ACTN1: variants seen among roughly 807,000 people sequenced by gnomAD.
The protein encoded by ACTN1 is actinin alpha 1, also known as alpha-actinin-1.
Under a neutral mutation model 119.6 loss-of-function variants are expected in ACTN1, and 30 were observed. That is an observed-to-expected ratio of 0.25 (90% CI 0.19 to 0.34). ACTN1 has a LOEUF of 0.34. Ranked by LOEUF, ACTN1 falls within the 10% of genes least tolerant of loss-of-function variation. The pLI is 1.00. For missense variants in ACTN1, 764 were observed against 1,223.4 expected, an observed-to-expected ratio of 0.62 and a Z score of 5.60; for synonymous variants, 429 against 472.6, an observed-to-expected ratio of 0.91 and a Z score of 1.20.
At position 68,879,162 on chromosome 14, in the gene ACTN1, G is replaced by T. The variant is rs529401816; in HGVS notation, c.2281-93C>A. ...GCCCCGGGGGAGGGTGGCGTGTGTG[G>T]GGAGACACAGGGACAGGCATGCGGA... is the stretch of plus-strand genomic sequence containing the variant. On this transcript the variant is annotated intron_variant, in intron 18 of 21. Transcript: ENST00000394419. The surrounding 1 kb of genome is among the most constrained non-coding windows in gnomAD (Gnocchi z 4.9). 27 of 662,920 alleles carry T rather than the reference G, an allele frequency of 4.1e-5. No homozygotes were observed. In the African/African-American group the frequency reaches 5.1e-4, roughly 13 times the overall value. 41.1% of individuals were successfully genotyped at this position (662,920 alleles called of 1,614,324 possible). A position where few individuals can be genotyped will look rare whatever the true frequency, so the allele number is the denominator to read the frequency against.
intron 3 of ACTN1, among the ~76,000 whole-genome samples, chr14:68,916,814 C>T (rs757135410): frequency 2.2e-4 from 34 of 152,194 alleles, no homozygotes; most frequent in Non-Finnish European, 3.4e-4. Context: ...CTGCTCACAT[C>T]CCCTGTTTAC....
At chr14:68,919,264 G>C (rs1454221581) in intron 3 of ACTN1, among the ~76,000 whole-genome samples, 2 of 152,250 alleles carry the variant, frequency 1.3e-5, no homozygotes, top group Middle Eastern at 3.4e-3. Context: ...ATCCCGCTTA[G>C]GACATGACTC....
chr14:68,923,477 G>A (rs1337306501), intron 2 of ACTN1, among the ~76,000 whole-genome samples: 1 of 152,018 alleles, frequency 6.6e-6, no homozygotes, highest in East Asian at 1.9e-4. Context: ...TAAAACTGGG[G>A]AAGGGTAGTG....
chr14:68,965,345 A>C (rs2036670158), intron 1 of ACTN1, among the ~76,000 whole-genome samples: 1 of 152,244 alleles, frequency 6.6e-6, no homozygotes, highest in Admixed American at 6.5e-5. Context: ...CAAGTGAAAG[A>C]CAAGGCCACC....
At position 68,881,936 on chromosome 14, in the gene ACTN1, C is replaced by CTTTTTTTTTTTT. The variant is rs781067137; in HGVS notation, c.1953+510_1953+521dup. On this transcript the variant is annotated intron_variant, in intron 16 of 21. Coordinates refer to ENST00000394419, the MANE Select transcript of ACTN1 (RefSeq NM_001130004.2). Reference sequence around the variant, plus strand: ...AGTATGGGACTTTCATAGGCAGCTTCTTTTTTTTTTTTTTTTTTTGACAGA... The same window carrying CTTTTTTTTTTTT: ...AGTATGGGACTTTCATAGGCAGCTTCTTTTTTTTTTTTTTTTTTTTTTTTTTTTTTTGACAGA... Among the ~76,000 whole-genome samples, 51 of 58,388 alleles carry CTTTTTTTTTTTT rather than the reference C, an allele frequency of 8.7e-4. 2 individuals are homozygous for CTTTTTTTTTTTT. Among genetic ancestry groups the CTTTTTTTTTTTT allele is most frequent in the African/African-American group, 2.8e-3 (27 of 9,518 alleles). The allele number at this position is 58,388 out of a possible 152,430, so 38.3% of individuals were successfully genotyped here.
intron 1 of ACTN1, among the ~76,000 whole-genome samples, chr14:68,940,594 T>G (rs904074744): frequency 1.3e-5 from 2 of 151,722 alleles, no homozygotes; most frequent in Non-Finnish European, 2.9e-5. Flanking sequence ...ATCCCAGCAC[T>G]TTGGGAGGCT....
chr14:68,878,282 C>T lies in ACTN1; in HGVS notation c.2427+176G>A, dbSNP rs796665697. The stretch of plus-strand genomic sequence containing the variant: ...CAGGCCTCCCGGATACACACACGCC[C>T]GTGGCCGGGCCGGCTTTCAGGGAGC... On this transcript the variant is annotated intron_variant, in intron 20 of 21. Coordinates refer to ENST00000394419, the MANE Select transcript of ACTN1 (RefSeq NM_001130004.2). This position sits in a 1 kb window ranked among gnomAD's most constrained non-coding sequence, Gnocchi z 4.4. 43 of 888,678 alleles carry T rather than the reference C, an allele frequency of 4.8e-5. No individual in the cohort carries two copies. Among genetic ancestry groups the T allele is most frequent in the African/African-American group, 2.9e-4 (17 of 59,350 alleles). The allele number at this position is 888,678 out of a possible 1,614,324, so 55.0% of individuals were successfully genotyped here. A position where few individuals can be genotyped will look rare whatever the true frequency, so the allele number is the denominator to read the frequency against.
intron 1 of ACTN1, among the ~76,000 whole-genome samples, chr14:68,955,369 G>A (rs1435574170): frequency 6.6e-6 from 1 of 152,146 alleles, no homozygotes; most frequent in African/African-American, 2.4e-5. Flanking sequence ...CCAGTCTCAT[G>A]ACAATGACTA....
intron 8 of ACTN1, among the ~76,000 whole-genome samples, chr14:68,899,456 C>T (rs1328649339): frequency 2.7e-5 from 4 of 146,206 alleles, no homozygotes; most frequent in Non-Finnish European, 6.1e-5. Context: ...ACCTTACACA[C>T]CACACTCCAC....
rs528008548 is a variant in ACTN1, at chr14:68,959,174, G to C, written c.105+19778C>G. On this transcript the variant is annotated intron_variant, in intron 1 of 21. Transcript: ENST00000394419. ...CCTGTCAAACAACTGCCACGACAGA[G>C]TCTCCAAGAAGTGCTCAAGAGTATC... Among the ~76,000 whole-genome samples, 49 of 152,322 alleles carry C rather than the reference G, an allele frequency of 3.2e-4. 1 individual carries two copies. The highest frequency in any genetic ancestry group is 3.1e-3 in the Admixed American group (48 of 15,306).
intron 1 of ACTN1, among the ~76,000 whole-genome samples, chr14:68,938,929 A>C (rs1179277981): frequency 1.3e-5 from 2 of 152,088 alleles, no homozygotes; most frequent in African/African-American, 4.8e-5. Context: ...TGGAGCCTGC[A>C]TTTCCTGGTT....
chr14:68,890,377 C>T, intron 10 of ACTN1, 91 bp from the exon 11 acceptor site: 1 of 1,466,728 alleles, frequency 6.8e-7, no homozygotes, highest in Non-Finnish European at 9.2e-7. Context: ...TGCCCCATGC[C>T]TTCCAGGAAG....
At chr14:68,937,969 C>T (rs191826147) in intron 1 of ACTN1, among the ~76,000 whole-genome samples, 162 of 152,344 alleles carry the variant, frequency 1.1e-3, no homozygotes, top group South Asian at 2.1e-3. Flanking sequence ...AGCCAGGGGG[C>T]GTGCTGGAAT....
At chr14:68,969,647 CAGACACAAGTGTTA>C (rs1408216195) in intron 1 of ACTN1, among the ~76,000 whole-genome samples, 2 of 152,200 alleles carry the variant, frequency 1.3e-5, no homozygotes, top group Admixed American at 1.3e-4. Flanking sequence ...ACAGACCCGA[CAGACACAAGTGTTA>C]AGACAGAGGA....
intron 7 of ACTN1, among the ~76,000 whole-genome samples, chr14:68,904,200 C>T (rs2033523213): frequency 6.6e-6 from 1 of 152,028 alleles, no homozygotes; most frequent in South Asian, 2.1e-4. Flanking sequence ...ATGAGAAAAA[C>T]ACCATGCCCA....
At chr14:68,954,995 C>CCTA (rs2036305187) in intron 1 of ACTN1, among the ~76,000 whole-genome samples, 1 of 152,132 alleles carries the variant, frequency 6.6e-6, no homozygotes, top group Admixed American at 6.5e-5. Context: ...TTCTCGTCAA[C>CCTA]CTAGTCCACT....
At chr14:68,927,687 G>T (rs754368855) in intron 1 of ACTN1, among the ~76,000 whole-genome samples, 5 of 152,214 alleles carry the variant, frequency 3.3e-5, no homozygotes, top group African/African-American at 1.2e-4. Context: ...ACAGGGAAGC[G>T]TATGTACCAA....
At chr14:68,893,557 C>T in intron 9 of ACTN1, 98 bp downstream of exon 9, 5 of 1,208,130 alleles carry the variant, frequency 4.1e-6, no homozygotes, top group Admixed American at 1.9e-5. Context: ...AGAGACTATA[C>T]AAGCCTGAGA....
chr14:68,967,350 T>C (rs574467437), intron 1 of ACTN1, among the ~76,000 whole-genome samples: 4 of 152,308 alleles, frequency 2.6e-5, no homozygotes, highest in Admixed American at 1.3e-4. Context: ...CCACTGTTCA[T>C]CAACACTGGA....
Sources: gnomAD v4.1 joint callset for allele counts (sites outside exome capture counted in the v4.1 genomes callset) on GRCh38, gnomAD v4.1.1 for gene constraint, Gnocchi (gnomAD v3.1) non-coding constraint, MANE v1.5 for transcripts, NCBI Gene and HGNC (gene_info 2026-07-23, HGNC 2026-07-21) for gene names.